The following PLCH1 variants were observed in gnomAD, a reference collection of about 807,000 sequenced individuals.
PLCH1 encodes the protein 1-phosphatidylinositol 4,5-bisphosphate phosphodiesterase eta-1.
PLCH1 carries 60 observed loss-of-function variants against 126.7 expected under a neutral mutation model. The ratio of observed to expected loss-of-function variants is 0.47; its 90% CI spans 0.38 to 0.59. PLCH1 has a LOEUF of 0.59. Ranked by LOEUF, PLCH1 falls within the 20% of genes least tolerant of loss-of-function variation. PLCH1 has a pLI of 0.00. For synonymous variants in PLCH1, 719 were observed against 734.9 expected (o/e 0.98, Z 0.35); for missense variants, 1,723 against 2,040.0 (o/e 0.84, Z 2.99).
In PLCH1 at chr3:155,565,105, GA is replaced by G; in HGVS notation, c.878del (p.Phe293SerfsTer38). 1 of 1,612,496 alleles carries G rather than the reference GA, an allele frequency of 6.2e-7. No homozygotes were observed. Among genetic ancestry groups the G allele is most frequent in the Non-Finnish European group, 8.5e-7 (1 of 1,178,512 alleles). Reference sequence around the variant, plus strand: ...ATATGTCACAGGCAGGACTACGCATGAAGTTCGTGAAGCCTTTGGAAGAAAG... The same window carrying G: ...ATATGTCACAGGCAGGACTACGCATGAGTTCGTGAAGCCTTTGGAAGAAAG... ...NVLGIEGFTN[F>X]MRSPACDIFN... On this transcript the variant is annotated frameshift_variant, in exon 8 of 23. Transcript: ENST00000460012. LOFTEE classifies it high-confidence loss of function.
chr3:155,514,969 C>A, intron 11 of PLCH1, 85 bp from the exon 12 acceptor site: 1 of 841,104 alleles, frequency 1.2e-6, no homozygotes, highest in Non-Finnish European at 1.7e-6. Context: ...ACAATTGCTT[C>A]TATAATTTCA....
At chr3:155,597,385 C>T (rs187460299) in intron 2 of PLCH1, among the ~76,000 whole-genome samples, 2 of 152,296 alleles carry the variant, frequency 1.3e-5, no homozygotes, top group African/African-American at 2.4e-5. Context: ...GACAAATGAT[C>T]CCATTTTCCC....
chr3:155,576,142 G>A (rs923594572), intron 6 of PLCH1, among the ~76,000 whole-genome samples: 1 of 152,142 alleles, frequency 6.6e-6, no homozygotes, highest in African/African-American at 2.4e-5. Flanking sequence ...AAAACACTCA[G>A]CTCCAGTGCC....
chr3:155,517,918 A>T (rs1479590610), intron 11 of PLCH1, among the ~76,000 whole-genome samples: 1 of 152,236 alleles, frequency 6.6e-6, no homozygotes, highest in Non-Finnish European at 1.5e-5. Flanking sequence ...AGCCACAGGG[A>T]AATACAGAAA....
intron 2 of PLCH1, among the ~76,000 whole-genome samples, chr3:155,649,364 G>A (rs775866066): frequency 2.6e-5 from 4 of 152,064 alleles, no homozygotes; most frequent in Admixed American, 6.5e-5. Flanking sequence ...ACCTGATCAC[G>A]AAACAAACCA....
intron 2 of PLCH1, among the ~76,000 whole-genome samples, chr3:155,629,112 A>G (rs1054902234): frequency 6.6e-6 from 1 of 152,206 alleles, no homozygotes; most frequent in African/African-American, 2.4e-5. Context: ...GATTAAATGA[A>G]ATAACATGTA....
chr3:155,717,361 T>C (rs1747599332), intron 1 of PLCH1, among the ~76,000 whole-genome samples: 2 of 152,202 alleles, frequency 1.3e-5, no homozygotes, highest in Admixed American at 1.3e-4. Context: ...GTGGGGACAG[T>C]GTGTGGAAGC....
At position 155,652,840 on chromosome 3, in the gene PLCH1, C is replaced by T. The variant is rs546816253; in HGVS notation, c.79+51306G>A. 9.2e-5 allele frequency among the ~76,000 whole-genome samples: 14 copies of T among 152,248 alleles called. No individual in the cohort carries two copies. The East Asian group carries it at 2.7e-3, about 29-fold the overall frequency. On this transcript the variant is annotated intron_variant, in intron 2 of 22. Coordinates refer to ENST00000460012, the MANE Select transcript of PLCH1 (RefSeq NM_014996.4). ...GCCCCACTTCTATTCTGCCATCATC[C>T]CTGGCAACATGAACTTGAAATTGGC...
At chr3:155,584,408 C>T (rs1489923743) in intron 5 of PLCH1, among the ~76,000 whole-genome samples, 4 of 152,164 alleles carry the variant, frequency 2.6e-5, no homozygotes, top group Non-Finnish European at 2.9e-5. Flanking sequence ...TTGGTAACTC[C>T]CTGCTTTCCC....
chr3:155,565,024 G>A lies in PLCH1; in HGVS notation c.960C>T (p.Tyr320=). The change falls in exon 8 of 23, where the codon TAC becomes TAT. Residue 320 remains tyrosine (Y), a synonymous_variant. Transcript: ENST00000460012. ...YQDMDQPLCN[Y]YIASSHNTYL... is the part of the protein sequence containing the mutation. ...ATGTATTGTGAGAGGAAGCAATGTA[G>A]TAGTTGCAGAGGGGCTGATCCATGT... 6.2e-7 allele frequency: 1 copy of A among 1,612,792 alleles called. No individual in the cohort carries two copies. Among genetic ancestry groups the A allele is most frequent in the Non-Finnish European group, 8.5e-7 (1 of 1,178,794 alleles).
intron 2 of PLCH1, among the ~76,000 whole-genome samples, chr3:155,613,425 C>T (rs1426261386): frequency 6.6e-6 from 1 of 152,046 alleles, no homozygotes; most frequent in Non-Finnish European, 1.5e-5. Context: ...CTAATCGAAT[C>T]CAACAGCATA....
chr3:155,549,286 T>C (rs1477592193), intron 10 of PLCH1, among the ~76,000 whole-genome samples: 4 of 152,236 alleles, frequency 2.6e-5, no homozygotes, highest in African/African-American at 9.6e-5. Context: ...TGTGGGGCAT[T>C]ATTATGTCTG....
At chr3:155,561,583 G>T (rs1046173185) in intron 8 of PLCH1, among the ~76,000 whole-genome samples, 1 of 151,730 alleles carries the variant, frequency 6.6e-6, no homozygotes, top group Non-Finnish European at 1.5e-5. Context: ...GAATAATGCC[G>T]CAATAAACAT....
intron 1 of PLCH1, among the ~76,000 whole-genome samples, chr3:155,728,078 T>G (rs993197129): frequency 7.2e-5 from 11 of 152,216 alleles, no homozygotes; most frequent in African/African-American, 2.7e-4. Context: ...CCAGCTTCAG[T>G]GCTCAACTGA....
intron 2 of PLCH1, among the ~76,000 whole-genome samples, chr3:155,700,048 T>C (rs1577339492): frequency 6.6e-6 from 1 of 152,174 alleles, no homozygotes; most frequent in South Asian, 2.1e-4. Flanking sequence ...ACCTCACACC[T>C]TGCTGCTATA....
chr3:155,551,444 GAAAAAAAAAAAAAAAAAAAAAAAAA>G (rs59794505), intron 9 of PLCH1, among the ~76,000 whole-genome samples: 1 of 42,054 alleles, frequency 2.4e-5, no homozygotes, highest in Non-Finnish European at 3.8e-5. Flanking sequence ...GGCTGCCTCA[GAAAAAAAAAAAAAAAAAAAAAAAAA>G]AAAAAAAAAA....
chr3:155,610,391 C>CAAAAAA (rs1381881513), intron 2 of PLCH1, among the ~76,000 whole-genome samples: 56 of 60,752 alleles, frequency 9.2e-4, no homozygotes, highest in African/African-American at 2.6e-3. Context: ...AAAAAAAAAC[C>CAAAAAA]ATCACCTAGG....
At position 155,490,810 on chromosome 3, in the gene PLCH1, T is replaced by C. The variant is rs375194146; in HGVS notation, c.2366A>G (p.Asp789Gly). 2.5e-6 allele frequency: 4 copies of C among 1,594,322 alleles called. No individual in the cohort carries two copies. The highest frequency in any genetic ancestry group is 3.4e-6 in the Non-Finnish European group (4 of 1,162,366). Residue 789 changes from aspartate to glycine, a missense_variant, in exon 19 of 23, where the codon GAT (aspartate) becomes GGT (glycine). Asp to Gly is a moderately conservative substitution (Grantham distance 94, BLOSUM62 -1). Around this residue, in one of 2 missense-constraint regions of PLCH1, gnomAD observed 776 missense variants for 1,062.9 expected, o/e 0.73. Transcript: ENST00000460012. ...IIGLPVDCCK[D>G]QTRVVDDNGF... is the part of the protein sequence containing the mutation. Reference sequence around the variant, plus strand: ...ATTGTCATCTACCACACGGGTTTGATCTTTACAACAATCTACTGGCAATCC... The same window carrying C: ...ATTGTCATCTACCACACGGGTTTGACCTTTACAACAATCTACTGGCAATCC...
chr3:155,601,664 T>C, intron 2 of PLCH1, among the ~76,000 whole-genome samples: 1 of 152,208 alleles, frequency 6.6e-6, no homozygotes, highest in East Asian at 1.9e-4. Context: ...CACATTCTGT[T>C]AGGAATGTCA....
Sources: allele counts gnomAD v4.1 joint callset (sites outside exome capture counted in the v4.1 genomes callset), GRCh38; gene constraint gnomAD v4.1.1; regional missense constraint gnomAD v4.1.1; transcripts MANE v1.5; gene names NCBI Gene and HGNC (gene_info 2026-07-23, HGNC 2026-07-21).